RAF1: variants seen among roughly 807,000 people sequenced by gnomAD.
RAF1 encodes the protein RAF proto-oncogene serine/threonine-protein kinase.
RAF1 carries 27 observed loss-of-function variants against 81.1 expected under a neutral mutation model. That is an observed-to-expected ratio of 0.33 (90% CI 0.25 to 0.46). The LOEUF is 0.46. Among genes scored for constraint, RAF1 ranks in the 20% least tolerant of loss-of-function variants. The probability of loss-of-function intolerance (pLI) is 1.00; values close to 1 mark genes in which losing one functional copy is unlikely to be tolerated. For missense variants in RAF1, 598 were observed against 826.0 expected (o/e 0.72, Z 3.38); for synonymous variants, 298 against 294.0 (o/e 1.01, Z -0.14).
chr3:12,605,557 T>G (rs1009598354), intron 6 of RAF1, among the ~76,000 whole-genome samples: 1 of 152,254 alleles, frequency 6.6e-6, no homozygotes, highest in South Asian at 2.1e-4. Flanking sequence ...GGATTACAGG[T>G]GTGAGCTACC....
In RAF1 at chr3:12,634,434, A is replaced by G. The variant is rs551170030; in HGVS notation, c.-26-15687T>C. On this transcript the variant is annotated intron_variant, in intron 1 of 17. Transcript: ENST00000442415. ...CCAAAATGCTGGGATTACGGGCTTG[A>G]GCCACCGCGCCTGGCCCGTAATTCC... is the stretch of plus-strand genomic sequence containing the variant. Among the ~76,000 whole-genome samples the G allele has an allele frequency of 2.0e-5, 3 of 151,832 alleles. No individual in the cohort carries two copies. In the East Asian group the frequency reaches 5.8e-4, roughly 29 times the overall value.
At position 12,642,671 on chromosome 3, in the gene RAF1, TACACACACAC is replaced by T. The variant is rs71063856; in HGVS notation, c.-27+21132_-27+21141del. On this transcript the variant is annotated intron_variant, in intron 1 of 17. Coordinates refer to ENST00000442415, the MANE Select transcript of RAF1 (RefSeq NM_001354689.3). ...AGACAACACAGGGAGACACCATCTCTACACACACACACACACACACACACACACACACACA... is the reference window on the plus strand; with the variant it reads ...AGACAACACAGGGAGACACCATCTCTACACACACACACACACACACACACA... Among the ~76,000 whole-genome samples the T allele has an allele frequency of 2.7e-3, 316 of 117,052 alleles. 1 individual carries two copies. The highest frequency in any genetic ancestry group is 0.017 in the East Asian group (64 of 3,788). The allele number at this position is 117,052 out of a possible 152,430, so 76.8% of individuals were successfully genotyped here.
chr3:12,619,695 T>A (rs184339560), intron 1 of RAF1, among the ~76,000 whole-genome samples: 1 of 152,218 alleles, frequency 6.6e-6, no homozygotes, highest in Non-Finnish European at 1.5e-5. Flanking sequence ...AACACATTAG[T>A]ACTATGAGAA....
intron 1 of RAF1, among the ~76,000 whole-genome samples, chr3:12,623,058 G>T (rs377059370): frequency 2.6e-5 from 4 of 151,796 alleles, no homozygotes; most frequent in African/African-American, 9.7e-5. Context: ...AAGATGAACT[G>T]TAATAAATTT....
intron 1 of RAF1, among the ~76,000 whole-genome samples, chr3:12,652,948 A>AC (rs1559490289): frequency 1.1e-5 from 1 of 92,292 alleles, no homozygotes; most frequent in African/African-American, 4.1e-5. Context: ...CTCAAAAAAA[A>AC]AAAATTTTTT....
chr3:12,588,692 T>C (rs1252214168), intron 13 of RAF1: 3 of 152,240 alleles, frequency 2.0e-5, no homozygotes, highest in Non-Finnish European at 2.9e-5. Flanking sequence ...TCCATTTATA[T>C]TGAACTATAA....
At chr3:12,598,749 A>AAAAAAC (rs2058767411) in intron 11 of RAF1, among the ~76,000 whole-genome samples, 1 of 139,220 alleles carries the variant, frequency 7.2e-6, no homozygotes, top group African/African-American at 2.6e-5. Context: ...AAAAAAAAAA[A>AAAAAAC]AAAACCACCA....
At chr3:12,638,740 C>T (rs1287057637) in intron 1 of RAF1, among the ~76,000 whole-genome samples, 1 of 152,112 alleles carries the variant, frequency 6.6e-6, no homozygotes, top group East Asian at 1.9e-4. Flanking sequence ...AGGGCTCCTG[C>T]TCAAGAAATG....
rs2058246914 is a variant in RAF1 at position 12,584,376 on chromosome 3, C to T, written c.*138G>A. The T allele has an allele frequency of 9.1e-7, 1 of 1,100,252 alleles. No individual in the cohort carries two copies. Among genetic ancestry groups the T allele is most frequent in the African/African-American group, 1.6e-5 (1 of 64,418 alleles). The allele number at this position is 1,100,252 out of a possible 1,614,324, so 68.2% of individuals were successfully genotyped here. A position where few individuals can be genotyped will look rare whatever the true frequency, so the allele number is the denominator to read the frequency against. ...AAAGAAGGCAACATGAAGTTAAGGC[C>T]CTGTGAGCAGTCTAGAAGGTCCTTA... On this transcript the variant is annotated 3_prime_UTR_variant, in exon 18 of 18. Coordinates refer to ENST00000442415, the MANE Select transcript of RAF1 (RefSeq NM_001354689.3).
intron 1 of RAF1, among the ~76,000 whole-genome samples, chr3:12,651,344 A>T (rs1247364270): frequency 6.6e-6 from 1 of 152,182 alleles, no homozygotes; most frequent in Non-Finnish European, 1.5e-5. Flanking sequence ...TTTAAGATAC[A>T]CAAATTGGGC....
chr3:12,597,064 A>G (rs775787854), intron 11 of RAF1, among the ~76,000 whole-genome samples: 4 of 151,920 alleles, frequency 2.6e-5, no homozygotes, highest in Non-Finnish European at 4.4e-5. Context: ...ACGCCCGGCT[A>G]ATTTGTTGTA....
chr3:12,590,652 A>C, intron 13 of RAF1, 146 bp downstream of exon 12: 1 of 916,872 alleles, frequency 1.1e-6, no homozygotes. Flanking sequence ...ATTCCTGATA[A>C]TTGGCCCCTC....
chr3:12,636,443 T>TAA (rs796569209), intron 1 of RAF1, among the ~76,000 whole-genome samples: 10,837 of 141,616 alleles, frequency 0.077, 562 homozygotes, highest in African/African-American at 0.14. Context: ...TGTATATCTT[T>TAA]AAAAAAAAAA....
intron 11 of RAF1, among the ~76,000 whole-genome samples, chr3:12,593,816 G>A (rs2058603881): frequency 7.6e-6 from 1 of 132,148 alleles, no homozygotes; most frequent in African/African-American, 3.2e-5. Flanking sequence ...CTTTTTTAGA[G>A]ATGGGGCCTC....
chr3:12,653,773 T>C (rs1021896264), intron 1 of RAF1, among the ~76,000 whole-genome samples: 7 of 152,004 alleles, frequency 4.6e-5, no homozygotes, highest in African/African-American at 1.7e-4. Flanking sequence ...GGGTCTTCTG[T>C]ATTTTTCATC....
intron 1 of RAF1, among the ~76,000 whole-genome samples, chr3:12,652,165 A>G (rs2060552370): frequency 6.6e-6 from 1 of 151,226 alleles, no homozygotes; most frequent in African/African-American, 2.4e-5. Context: ...GCAGTAAGCC[A>G]ACATCATGCC....
intron 1 of RAF1, among the ~76,000 whole-genome samples, chr3:12,646,393 G>T (rs1035812057): frequency 6.6e-6 from 1 of 151,652 alleles, no homozygotes; most frequent in Non-Finnish European, 1.5e-5. Flanking sequence ...TCTTTTTTTT[G>T]AGGTGGAGTC....
chr3:12,633,078 C>CG (rs1183330058), intron 1 of RAF1, among the ~76,000 whole-genome samples: 1 of 152,130 alleles, frequency 6.6e-6, no homozygotes, highest in African/African-American at 2.4e-5. Flanking sequence ...CAAATCTCAT[C>CG]CATGCACCCA....
intron 1 of RAF1, among the ~76,000 whole-genome samples, chr3:12,635,284 ACTCC>A (rs2059982818): frequency 8.4e-6 from 1 of 118,904 alleles, no homozygotes; most frequent in African/African-American, 3.3e-5. Context: ...TTGCCACTGT[ACTCC>A]AGCCTGGGTG....
Sources: gnomAD v4.1 joint callset for allele counts (sites outside exome capture counted in the v4.1 genomes callset) on GRCh38, gnomAD v4.1.1 for gene constraint, MANE v1.5 for transcripts, NCBI Gene and HGNC (gene_info 2026-07-23, HGNC 2026-07-21) for gene names.